The following SCD5 variants were observed in gnomAD, a reference collection of about 807,000 sequenced individuals.
SCD5 encodes the protein stearoyl-CoA desaturase 5.
A neutral mutation model predicts 30.4 loss-of-function variants in SCD5; 20 were observed. The observed-to-expected ratio is 0.66, with a 90% confidence interval of 0.46 to 0.96. SCD5 has a LOEUF of 0.96. SCD5 is among the 40% of genes least tolerant of loss of function. The pLI is 0.00. For missense variants in SCD5, 381 were observed against 443.3 expected (o/e 0.86, Z 1.26); for synonymous variants, 173 against 176.4 (o/e 0.98, Z 0.16).
chr4:82,790,891 C>T (rs1722085997), intron 1 of SCD5, among the ~76,000 whole-genome samples: 1 of 152,100 alleles, frequency 6.6e-6, no homozygotes, highest in Non-Finnish European at 1.5e-5. Context: ...CAATTTTAAT[C>T]ACCACCCAAG....
In SCD5 at chr4:82,741,087, G is replaced by A. The variant is rs564458625; in HGVS notation, c.233-35674C>T. The stretch of plus-strand genomic sequence containing the variant: ...CTCCCAAGTAGCTGGGACTACAGGC[G>A]TGTGCCAGCTAATTTTTTTTTTTTT... On this transcript the variant is annotated intron_variant, in intron 1 of 4. Coordinates refer to ENST00000319540, the MANE Select transcript of SCD5 (RefSeq NM_001037582.3). 7.6e-5 allele frequency among the ~76,000 whole-genome samples: 11 copies of A among 145,356 alleles called. No individual in the cohort carries two copies. In the East Asian group the frequency reaches 1.0e-3, roughly 13 times the overall value.
intron 1 of SCD5, among the ~76,000 whole-genome samples, chr4:82,727,625 G>C (rs12506169): frequency 0.1 from 15,479 of 152,160 alleles, 947 homozygotes; most frequent in African/African-American, 0.16. Flanking sequence ...GACTTCATAG[G>C]TAAATCCCTT....
intron 2 of SCD5, among the ~76,000 whole-genome samples, chr4:82,686,601 ATT>A (rs1289658467): frequency 2.0e-5 from 3 of 152,328 alleles, no homozygotes; most frequent in African/African-American, 7.2e-5. Context: ...TTGATTAAAT[ATT>A]TTGTGATAAA....
At chr4:82,643,698 T>A (rs1300845651) in intron 3 of SCD5, among the ~76,000 whole-genome samples, 1 of 152,222 alleles carries the variant, frequency 6.6e-6, no homozygotes, top group Non-Finnish European at 1.5e-5. Flanking sequence ...TTATGAGAGG[T>A]TACAATGATT....
chr4:82,683,283 G>T (rs1432263123), intron 2 of SCD5, among the ~76,000 whole-genome samples: 1 of 152,140 alleles, frequency 6.6e-6, no homozygotes, highest in African/African-American at 2.4e-5. Context: ...GAATTTGGAG[G>T]TGTAAAATAA....
At chr4:82,637,157 C>T (rs1322079754) in intron 3 of SCD5, among the ~76,000 whole-genome samples, 1 of 152,104 alleles carries the variant, frequency 6.6e-6, no homozygotes, top group Non-Finnish European at 1.5e-5. Context: ...CCACAGGCCA[C>T]CAGTTCAAGA....
chr4:82,674,103 T>A (rs1321898400), intron 3 of SCD5, among the ~76,000 whole-genome samples: 1 of 152,134 alleles, frequency 6.6e-6, no homozygotes, highest in Non-Finnish European at 1.5e-5. Flanking sequence ...AATTTATATA[T>A]GACATCAAAG....
In SCD5 at chr4:82,769,649, C is replaced by A. The variant is rs148628101; in HGVS notation, c.232+28657G>T. ...AAATACTGCAAAGTGGTTAAAAATG[C>A]TCAGAAATAACTGAATATGATTATA... On this transcript the variant is annotated intron_variant, in intron 1 of 4. Transcript: ENST00000319540. Among the ~76,000 whole-genome samples, 610 of 152,112 alleles carry A rather than the reference C, an allele frequency of 4.0e-3. 3 individuals are homozygous for A. Among genetic ancestry groups the A allele is most frequent in the African/African-American group, 0.014 (584 of 41,494 alleles).
chr4:82,722,869 A>G (rs28636566), intron 1 of SCD5, among the ~76,000 whole-genome samples: 33,763 of 151,668 alleles, frequency 0.22, 4,342 homozygotes, highest in Middle Eastern at 0.35. Flanking sequence ...GAAGTTCAAG[A>G]CCAGCTTCGC....
intron 1 of SCD5, among the ~76,000 whole-genome samples, chr4:82,730,406 C>T (rs1720609793): frequency 6.6e-6 from 1 of 150,642 alleles, no homozygotes; most frequent in African/African-American, 2.4e-5. Flanking sequence ...AAGCAATTCT[C>T]CTGCCTCAGC....
intron 1 of SCD5, among the ~76,000 whole-genome samples, chr4:82,747,711 C>CA (rs2148841256): frequency 6.6e-6 from 1 of 152,328 alleles, no homozygotes; most frequent in East Asian, 1.9e-4. Context: ...TTACGATCAG[C>CA]AGACCAGGCA....
At chr4:82,700,712 A>G (rs111552374) in intron 2 of SCD5, among the ~76,000 whole-genome samples, 1 of 144,166 alleles carries the variant, frequency 6.9e-6, no homozygotes, top group African/African-American at 2.5e-5. Context: ...GCTTAAGCCC[A>G]GGAGTTCAAG....
At chr4:82,732,562 C>T (rs956765635) in intron 1 of SCD5, among the ~76,000 whole-genome samples, 3 of 152,234 alleles carry the variant, frequency 2.0e-5, no homozygotes, top group Admixed American at 6.5e-5. Context: ...TGAAAGCAGG[C>T]GTCCTGTCCA....
rs190553289 is a variant in SCD5 at position 82,631,306 on chromosome 4, T to C, written c.*21A>G. 1.5e-4 allele frequency: 237 copies of C among 1,605,378 alleles called. No individual in the cohort carries two copies. In the African/African-American group the frequency reaches 2.9e-3, roughly 20 times the overall value. ...TGAACCGAGGTTGCAACGGCAGACA[T>C]GTGGGATGGCTGTTCCAAGTTCAAG... On this transcript the variant is annotated 3_prime_UTR_variant, in exon 5 of 5. Coordinates refer to ENST00000319540, the MANE Select transcript of SCD5 (RefSeq NM_001037582.3).
At chr4:82,712,275 T>TATATAC (rs1720117133) in intron 1 of SCD5, among the ~76,000 whole-genome samples, 1 of 50,612 alleles carries the variant, frequency 2.0e-5, no homozygotes, top group African/African-American at 1.2e-4. Context: ...TATATATATA[T>TATATAC]ATATATATAT....
At chr4:82,631,596 G>A in intron 4 of SCD5, 79 bp from the exon 5 acceptor site, 1 of 1,470,032 alleles carries the variant, frequency 6.8e-7, no homozygotes, top group Non-Finnish European at 9.3e-7. Flanking sequence ...ATTTTTTCAG[G>A]GTTTACCATG....
At chr4:82,713,958 G>A (rs1325628334) in intron 1 of SCD5, among the ~76,000 whole-genome samples, 1 of 152,162 alleles carries the variant, frequency 6.6e-6, no homozygotes, top group Non-Finnish European at 1.5e-5. Context: ...TCCAGCATCT[G>A]AGCCTGGGTA....
Position 82,705,384 on chromosome 4 carries a change from C to T in SCD5, c.262G>A (p.Gly88Ser), listed in dbSNP as rs562924709. The part of the protein sequence containing the change: ...AYFCFLLAAL[G>S]VTAGAHRLWS... Reference sequence around the variant, plus strand: ...AAGCGATGGGCACCAGCTGTCACACCCAGAGCGGCCAGGAGGAAGCAGAAG... The same window carrying T: ...AAGCGATGGGCACCAGCTGTCACACTCAGAGCGGCCAGGAGGAAGCAGAAG... The change falls in exon 2 of 5, where the codon GGT becomes AGT. Residue 88 changes from glycine (G) to serine (S), a missense_variant. Gly to Ser is a moderately conservative substitution (Grantham distance 56, BLOSUM62 0). Transcript: ENST00000319540. 6.2e-7 allele frequency: 1 copy of T among 1,614,222 alleles called. No individual in the cohort carries two copies. The highest frequency in any genetic ancestry group is 2.2e-5 in the East Asian group (1 of 44,884).
At chr4:82,720,441 T>TAAAAAAAAAAAAA (rs1553917690) in intron 1 of SCD5, among the ~76,000 whole-genome samples, 6 of 77,884 alleles carry the variant, frequency 7.7e-5, no homozygotes, top group East Asian at 4.0e-4. Context: ...AAGGCAAAAA[T>TAAAAAAAAAAAAA]AAAAAAAAAA....
Sources: allele counts gnomAD v4.1 joint callset (sites outside exome capture counted in the v4.1 genomes callset), GRCh38; gene constraint gnomAD v4.1.1; transcripts MANE v1.5; gene names NCBI Gene and HGNC (gene_info 2026-07-23, HGNC 2026-07-21).